Variants in GALNT9 observed in about 807,000 individuals in gnomAD.
GALNT9 encodes the protein polypeptide N-acetylgalactosaminyltransferase 9.
In GALNT9, 47 loss-of-function variants were observed where a neutral mutation model predicts 63.1. The ratio of observed to expected loss-of-function variants is 0.75; its 90% CI spans 0.59 to 0.95. The LOEUF (loss-of-function observed/expected upper bound fraction) is 0.95, where lower values mean the gene tolerates loss of function less well. GALNT9 is among the 40% of genes least tolerant of loss of function. GALNT9 has a pLI of 0.00. For synonymous variants in GALNT9, 396 were observed against 365.7 expected, an observed-to-expected ratio of 1.08 and a Z score of -0.94; for missense variants, 829 against 874.8, an observed-to-expected ratio of 0.95 and a Z score of 0.66.
At chr12:132,209,239 G>A (rs1480853670) in intron 6 of GALNT9, among the ~76,000 whole-genome samples, 1 of 152,114 alleles carries the variant, frequency 6.6e-6, no homozygotes, top group Non-Finnish European at 1.5e-5. Flanking sequence ...AAAATAGGTT[G>A]CAGTAGGCCG....
chr12:132,262,402 C>T, intron 3 of GALNT9, 57 bp downstream of exon 3: 1 of 1,512,194 alleles, frequency 6.6e-7, no homozygotes, highest in Non-Finnish European at 8.9e-7. Context: ...AACCCCAACT[C>T]AACCCAGCCA....
intron 1 of GALNT9, 138 bp downstream of exon 1, chr12:132,328,828 C>T: frequency 9.0e-7 from 1 of 1,107,618 alleles, no homozygotes; most frequent in Non-Finnish European, 1.2e-6. Flanking sequence ...GCGGCCCTTC[C>T]CTCTCCTCTC....
chr12:132,265,569 C>T lies in GALNT9; in HGVS notation c.420-2944G>A, dbSNP rs1165565072. Among the ~76,000 whole-genome samples, 8 of 152,202 alleles carry T rather than the reference C, an allele frequency of 5.3e-5. No homozygotes were observed. Among genetic ancestry groups the T allele is most frequent in the African/African-American group, 7.2e-5 (3 of 41,450 alleles). ...TGACGTCCTTGTTCCCTGTGTGAAGCCCCCGGGCCCCTTTTGCAGCAGGCT... is the reference window on the plus strand; with the variant it reads ...TGACGTCCTTGTTCCCTGTGTGAAGTCCCCGGGCCCCTTTTGCAGCAGGCT... On this transcript the variant is annotated intron_variant, in intron 2 of 10. Coordinates refer to ENST00000328957, the MANE Select transcript of GALNT9 (RefSeq NM_001122636.2). This position sits in a 1 kb window ranked among gnomAD's most constrained non-coding sequence, Gnocchi z 5.3.
intron 6 of GALNT9, chr12:132,247,480 G>A (rs1443383431): frequency 5.3e-5 from 21 of 394,638 alleles, no homozygotes; most frequent in South Asian, 3.0e-4. Context: ...AGCCTTGGCC[G>A]CCCAGCTTGG....
intron 6 of GALNT9, among the ~76,000 whole-genome samples, chr12:132,217,685 T>C (rs1877271765): frequency 6.8e-6 from 1 of 146,610 alleles, no homozygotes; most frequent in Non-Finnish European, 1.5e-5. Flanking sequence ...ATCTACCTAC[T>C]CATTCACCCA....
intron 7 of GALNT9, among the ~76,000 whole-genome samples, chr12:132,203,095 CCAGA>C (rs1276267325): frequency 6.6e-6 from 1 of 152,114 alleles, no homozygotes; most frequent in Non-Finnish European, 1.5e-5. Context: ...CATGAAACCG[CCAGA>C]CAGTTGAGGC....
intron 6 of GALNT9, chr12:132,240,675 T>C: frequency 2.2e-6 from 1 of 455,976 alleles, no homozygotes; most frequent in South Asian, 1.5e-5. Flanking sequence ...GTGTTTTTCT[T>C]CCTCTTTTAT....
chr12:132,268,105 TCA>T (rs142014468), intron 2 of GALNT9, among the ~76,000 whole-genome samples: 12 of 145,990 alleles, frequency 8.2e-5, no homozygotes, highest in East Asian at 4.2e-4. Context: ...ACACGCGCAC[TCA>T]CACACACAAA....
At chr12:132,210,722 GAGA>G (rs924227517) in intron 6 of GALNT9, among the ~76,000 whole-genome samples, 4 of 152,196 alleles carry the variant, frequency 2.6e-5, no homozygotes, top group Admixed American at 2.0e-4. Flanking sequence ...TGGTTGAATT[GAGA>G]AGAAGCTCCA....
Position 132,310,998 on chromosome 12 carries a change from A to G in GALNT9, c.238+17968T>C, listed in dbSNP as rs1881792746. Among the ~76,000 whole-genome samples the G allele has an allele frequency of 6.6e-6, 1 of 152,206 alleles. No homozygotes were observed. The highest frequency in any genetic ancestry group is 2.4e-5 in the African/African-American group (1 of 41,462). On this transcript the variant is annotated intron_variant, in intron 1 of 10. Coordinates refer to ENST00000328957, the MANE Select transcript of GALNT9 (RefSeq NM_001122636.2). This position sits in a 1 kb window ranked among gnomAD's most constrained non-coding sequence, Gnocchi z 4.8. ...CCAAGACAGGGACTCGGCCGCAGCT[A>G]AAGTTTCCCATAATTGCGGCCTCTG... is the stretch of plus-strand genomic sequence containing the variant.
intron 1 of GALNT9, among the ~76,000 whole-genome samples, chr12:132,300,429 G>C (rs544661700): frequency 3.3e-4 from 21 of 63,178 alleles, no homozygotes; most frequent in East Asian, 4.4e-4. Flanking sequence ...CACACCTAAC[G>C]CACCCCTGAG....
chr12:132,299,841 G>C (rs1555243673), intron 1 of GALNT9, among the ~76,000 whole-genome samples: 5 of 126,158 alleles, frequency 4.0e-5, no homozygotes, highest in Non-Finnish European at 8.2e-5. Flanking sequence ...ACCCACCCCT[G>C]AGATGACCAA....
rs1555239745 is a variant in GALNT9, at chr12:132,261,079, G to A, written c.630C>T (p.Tyr210=). 2 of 1,551,684 alleles carry A rather than the reference G, an allele frequency of 1.3e-6. No individual in the cohort carries two copies. The highest frequency in any genetic ancestry group is 2.0e-5 in the Admixed American group (1 of 50,986). The change falls in exon 4 of 11, where the codon TAC becomes TAT. Residue 210 remains tyrosine (Y), a synonymous_variant. Coordinates refer to ENST00000328957, the MANE Select transcript of GALNT9 (RefSeq NM_001122636.2). The part of the protein sequence containing the change: ...FNLDQYVNKR[Y]PGLVKIVRNS... ...TGCGGACAATCTTCACGAGGCCTGG[G>A]TACCGCTTGTTGACGTACTGGTCCA...
chr12:132,304,188 C>T lies in GALNT9; in HGVS notation c.239-17758G>A, dbSNP rs1881454665. ...ACCGGGGCACACCCTCACCCAGACA[C>T]GCCCTCACCCAGACACGCCCTCACC... On this transcript the variant is annotated intron_variant, in intron 1 of 10. Coordinates refer to ENST00000328957, the MANE Select transcript of GALNT9 (RefSeq NM_001122636.2). Among the ~76,000 whole-genome samples, 3 of 39,104 alleles carry T rather than the reference C, an allele frequency of 7.7e-5. 1 individual carries two copies. Among genetic ancestry groups the T allele is most frequent in the Non-Finnish European group, 1.4e-4 (3 of 21,332 alleles). 25.7% of individuals were successfully genotyped at this position (39,104 alleles called of 152,430 possible).
At chr12:132,203,966 G>T (rs1320610009) in intron 6 of GALNT9, among the ~76,000 whole-genome samples, 1 of 151,924 alleles carries the variant, frequency 6.6e-6, no homozygotes, top group Non-Finnish European at 1.5e-5. Context: ...TTATTCTACC[G>T]ACCCCAACAC....
intron 6 of GALNT9, among the ~76,000 whole-genome samples, chr12:132,230,630 G>C (rs1877855159): frequency 6.6e-6 from 1 of 152,192 alleles, no homozygotes; most frequent in Non-Finnish European, 1.5e-5. Context: ...GAGTGGATGA[G>C]AAGGCTGCCC....
chr12:132,298,187 TCGTTC>T (rs1458610720), intron 1 of GALNT9, among the ~76,000 whole-genome samples: 2 of 151,842 alleles, frequency 1.3e-5, no homozygotes, highest in African/African-American at 4.8e-5. Context: ...GATAACTAAC[TCGTTC>T]CCAAGGAAAC....
intron 6 of GALNT9, among the ~76,000 whole-genome samples, chr12:132,222,551 T>A (rs2135520930): frequency 6.6e-6 from 1 of 152,084 alleles, no homozygotes; most frequent in East Asian, 1.9e-4. Context: ...GCTCCTCACA[T>A]GAACAAGCAC....
intron 2 of GALNT9, among the ~76,000 whole-genome samples, chr12:132,264,225 G>A (rs1458100598): frequency 2.6e-5 from 4 of 152,252 alleles, no homozygotes; most frequent in African/African-American, 9.6e-5. Context: ...GCAAGCTCAT[G>A]GCACAGGTTT....
Sources: gnomAD v4.1 joint callset for allele counts (sites outside exome capture counted in the v4.1 genomes callset) on GRCh38, gnomAD v4.1.1 for gene constraint, Gnocchi (gnomAD v3.1) non-coding constraint, MANE v1.5 for transcripts, NCBI Gene and HGNC (gene_info 2026-07-23, HGNC 2026-07-21) for gene names.